GAK: variants seen among roughly 807,000 people sequenced by gnomAD.
GAK encodes the protein cyclin G associated kinase.
Under a neutral mutation model 143.9 loss-of-function variants are expected in GAK, and 79 were observed. The observed-to-expected ratio is 0.55, with a 90% confidence interval of 0.46 to 0.66. The LOEUF is 0.66. Ranked by LOEUF, GAK falls within the 30% of genes least tolerant of loss-of-function variation. GAK has a pLI of 0.00. For missense variants in GAK, 1,693 were observed against 1,779.7 expected (o/e 0.95, Z 0.88); for synonymous variants, 881 against 765.5 (o/e 1.15, Z -2.49).
Position 868,589 on chromosome 4 carries a change from G to A in GAK, c.2345C>T (p.Pro782Leu), listed in dbSNP as rs769773245. Residue 782 changes from proline to leucine, a missense_variant, in exon 20 of 28, where the codon CCA (proline) becomes CTA (leucine). Around this residue, in one of 2 missense-constraint regions of GAK, gnomAD observed 822 missense variants for 788.7 expected, o/e 1.04. Transcript: ENST00000314167. ...EAEPTDSDSP[P>L]SSSADASRFL... ...GCGACTGGCGTCCGCGCTGCTGCTTGGCGGTGAGTCAGAGTCTGTGGGTTC... is the reference window on the plus strand; with the variant it reads ...GCGACTGGCGTCCGCGCTGCTGCTTAGCGGTGAGTCAGAGTCTGTGGGTTC... 5.0e-6 allele frequency: 8 copies of A among 1,604,186 alleles called. No homozygotes were observed. In the Admixed American group the frequency reaches 1.0e-4, roughly 20 times the overall value.
At chr4:915,230 C>T (rs1008165889) in intron 1 of GAK, among the ~76,000 whole-genome samples, 1 of 151,830 alleles carries the variant, frequency 6.6e-6, no homozygotes, top group Admixed American at 6.6e-5. Context: ...CATGGCCCCC[C>T]GCACTCAGCC....
rs530736627 is a variant in GAK at position 849,313 on chromosome 4, C to T, written c.*360G>A. 2.3e-5 allele frequency: 7 copies of T among 309,574 alleles called. No homozygotes were observed. Among genetic ancestry groups the T allele is most frequent in the East Asian group, 6.5e-5 (1 of 15,462 alleles). The allele number at this position is 309,574 out of a possible 1,614,324, so 19.2% of individuals were successfully genotyped here. The stretch of plus-strand genomic sequence containing the variant: ...TAGTTTAATTCTGTACAGACAACCA[C>T]GGGACTGATTACAAAGTGCGGTGCA... On this transcript the variant is annotated 3_prime_UTR_variant, in exon 28 of 28. Coordinates refer to ENST00000314167, the MANE Select transcript of GAK (RefSeq NM_005255.4).
intron 5 of GAK, among the ~76,000 whole-genome samples, chr4:900,372 G>C (rs1178157675): frequency 2.8e-4 from 42 of 152,266 alleles, no homozygotes. Context: ...GCGGGCTGCA[G>C]GGCTGGCCTG....
chr4:914,345 A>AC (rs1722625910), intron 1 of GAK, among the ~76,000 whole-genome samples: 3 of 51,312 alleles, frequency 5.8e-5, no homozygotes, highest in Non-Finnish European at 1.1e-4. Context: ...GCCCCACACA[A>AC]ACACAGCCCC....
At chr4:901,740 C>T (rs554582694) in intron 5 of GAK, among the ~76,000 whole-genome samples, 8 of 152,350 alleles carry the variant, frequency 5.3e-5, no homozygotes, top group East Asian at 1.9e-4. Context: ...CTGGCCTCCT[C>T]GTCCCCTTGG....
intron 24 of GAK, chr4:859,403 A>G (rs1749871235): frequency 1.3e-6 from 2 of 1,521,222 alleles, no homozygotes; most frequent in Non-Finnish European, 8.8e-7. Flanking sequence ...AGTGTCAGCA[A>G]CTCCCGGTTT....
chr4:870,583 A>C (rs1422041792), intron 19 of GAK, 128 bp downstream of exon 19: 20 of 892,438 alleles, frequency 2.2e-5, no homozygotes, highest in Non-Finnish European at 3.4e-5. Flanking sequence ...CTGCAGCCCA[A>C]GCTGCTCAGG....
intron 15 of GAK, among the ~76,000 whole-genome samples, chr4:879,973 C>T (rs1298699825): frequency 6.6e-6 from 1 of 152,248 alleles, no homozygotes. Flanking sequence ...GGCATTTCCA[C>T]GGCTCTGAAG....
chr4:859,690 G>A lies in GAK; in HGVS notation c.3199C>T (p.Pro1067Ser). The change falls in exon 24 of 28, where the codon CCT (proline) becomes TCT (serine). Residue 1067 changes from proline to serine, a missense_variant. This residue lies in a region of GAK where 822 missense variants were observed against 788.7 expected (regional missense o/e 1.04). Transcript: ENST00000314167. ...PLFSPGGQPA[P>S]CGSQASWTKS... ...GTCCAGCTGGCCTGAGAGCCACAAG[G>A]GGCCGGCTGACCTCCAGGAGAGAAG... 1 of 1,599,582 alleles carries A rather than the reference G, an allele frequency of 6.3e-7. No homozygotes were observed. Among genetic ancestry groups the A allele is most frequent in the Non-Finnish European group, 8.6e-7 (1 of 1,168,010 alleles).
intron 9 of GAK, among the ~76,000 whole-genome samples, chr4:892,609 C>A (rs1717894215): frequency 6.6e-6 from 1 of 152,208 alleles, no homozygotes; most frequent in Non-Finnish European, 1.5e-5. Context: ...CTGCCAGCAG[C>A]CACCGGTGCC....
At chr4:859,185 C>G (rs981877276) in intron 24 of GAK, 2 of 985,314 alleles carry the variant, frequency 2.0e-6, no homozygotes, top group African/African-American at 3.5e-5. Flanking sequence ...GCGCCCGGGC[C>G]GGGCCTGAGG....
chr4:853,223 C>G (rs1036302080), intron 24 of GAK: 6 of 152,326 alleles, frequency 3.9e-5, no homozygotes, highest in African/African-American at 1.4e-4. Context: ...CACTCCCCCT[C>G]CCTGCCAAGG....
At chr4:898,879 A>T (rs1264401872) in intron 5 of GAK, among the ~76,000 whole-genome samples, 1 of 152,004 alleles carries the variant, frequency 6.6e-6, no homozygotes, top group Non-Finnish European at 1.5e-5. Flanking sequence ...AAAAAAGTAT[A>T]CAGAGACACA....
rs999773837 is a variant in GAK at position 931,984 on chromosome 4, C to A, written c.145+59G>T. 2.0e-5 allele frequency: 25 copies of A among 1,249,600 alleles called. No individual in the cohort carries two copies. In the African/African-American group the frequency reaches 3.6e-4, roughly 18 times the overall value. 77.4% of individuals were successfully genotyped at this position (1,249,600 alleles called of 1,614,324 possible). On this transcript the variant is annotated intron_variant, in intron 1 of 27. Coordinates refer to ENST00000314167, the MANE Select transcript of GAK (RefSeq NM_005255.4). ...CTTCCACTCCGGGCTGACGCTGCCC[C>A]CAGCGTCCCGGAGACAACACTCCGC... is the stretch of plus-strand genomic sequence containing the variant.
chr4:850,924 C>T lies in GAK; in HGVS notation c.3657+12G>A. 1 of 1,609,392 alleles carries T rather than the reference C, an allele frequency of 6.2e-7. No homozygotes were observed. Among genetic ancestry groups the T allele is most frequent in the South Asian group, 1.1e-5 (1 of 90,810 alleles). ...CCTCTGGGCTCCCAGGAAGAGCTGCCCACCCACCCACCTTCAGCTTGAGTG... is the reference window on the plus strand; with the variant it reads ...CCTCTGGGCTCCCAGGAAGAGCTGCTCACCCACCCACCTTCAGCTTGAGTG... On this transcript the variant is annotated intron_variant, in intron 26 of 27. Transcript: ENST00000314167.
Position 932,316 on chromosome 4 carries a change from G to A in GAK, c.-129C>T, listed in dbSNP as rs149820687. 10 of 1,371,638 alleles carry A rather than the reference G, an allele frequency of 7.3e-6. No homozygotes were observed. The highest frequency in any genetic ancestry group is 1.5e-5 in the African/African-American group (1 of 65,152). The allele number at this position is 1,371,638 out of a possible 1,614,324, so 85.0% of individuals were successfully genotyped here. ...CCATCTTCCGCCTCGACGCCGTGAC[G>A]TAGGCGCCCGTGAGGACGCGTCGCG... On this transcript the variant is annotated 5_prime_UTR_variant, in exon 1 of 28. Coordinates refer to ENST00000314167, the MANE Select transcript of GAK (RefSeq NM_005255.4). This position sits in a 1 kb window ranked among gnomAD's most constrained non-coding sequence, Gnocchi z 4.0.
intron 1 of GAK, among the ~76,000 whole-genome samples, chr4:924,102 T>C (rs956613716): frequency 6.7e-6 from 1 of 150,312 alleles, no homozygotes; most frequent in Admixed American, 6.7e-5. Context: ...GGAGAATTGT[T>C]TGAACCTGGG....
chr4:889,820 C>T (rs551053488), intron 10 of GAK, among the ~76,000 whole-genome samples: 2 of 152,216 alleles, frequency 1.3e-5, no homozygotes, highest in Admixed American at 6.5e-5. Context: ...ACTCCCGGCA[C>T]GGAGTTCCAA....
chr4:926,748 G>A (rs1052847762), intron 1 of GAK, among the ~76,000 whole-genome samples: 1 of 152,100 alleles, frequency 6.6e-6, no homozygotes, highest in Non-Finnish European at 1.5e-5. Context: ...CTACTCTGTG[G>A]CAGAATCTGG....
Sources: allele counts gnomAD v4.1 joint callset (sites outside exome capture counted in the v4.1 genomes callset), GRCh38; gene constraint gnomAD v4.1.1; regional missense constraint gnomAD v4.1.1; non-coding constraint Gnocchi (gnomAD v3.1); transcripts MANE v1.5; gene names NCBI Gene and HGNC (gene_info 2026-07-23, HGNC 2026-07-21).